ARHGAP24: variants seen among roughly 807,000 people sequenced by gnomAD.
The protein encoded by ARHGAP24 is Rho GTPase activating protein 24, also known as rho GTPase-activating protein 24.
ARHGAP24 carries 50 observed loss-of-function variants against 76.4 expected under a neutral mutation model. The observed-to-expected ratio is 0.65, with a 90% CI of 0.52 to 0.83. The LOEUF is 0.83. Among genes scored for constraint, ARHGAP24 ranks in the 40% least tolerant of loss-of-function variants. The pLI, the probability that ARHGAP24 is intolerant of heterozygous loss-of-function variation, is 0.00. For missense variants in ARHGAP24, 930 were observed against 914.2 expected (o/e 1.02, Z -0.22); for synonymous variants, 345 against 323.3 (o/e 1.07, Z -0.72).
chr4:85,971,472 A>AT (rs1007315902), intron 5 of ARHGAP24, among the ~76,000 whole-genome samples: 1 of 151,912 alleles, frequency 6.6e-6, no homozygotes, highest in East Asian at 1.9e-4. Flanking sequence ...GGGTTCTTTA[A>AT]TTTTTTTTAT....
intron 3 of ARHGAP24, among the ~76,000 whole-genome samples, chr4:85,769,251 C>T (rs917200675): frequency 6.6e-6 from 1 of 152,184 alleles, no homozygotes; most frequent in African/African-American, 2.4e-5. Flanking sequence ...TTCATCCATT[C>T]ATTCAAATCA....
At chr4:85,526,432 A>T (rs1361506462) in intron 1 of ARHGAP24, among the ~76,000 whole-genome samples, 1 of 151,136 alleles carries the variant, frequency 6.6e-6, no homozygotes, top group Non-Finnish European at 1.5e-5. Flanking sequence ...TTTTTTTTAC[A>T]CTTCAATAGA....
intron 3 of ARHGAP24, among the ~76,000 whole-genome samples, chr4:85,850,944 T>C (rs1468909391): frequency 1.3e-5 from 2 of 152,002 alleles, no homozygotes; most frequent in Admixed American, 1.3e-4. Context: ...GGGTGGAGAG[T>C]TCTGTAGATG....
chr4:85,506,046 C>G (rs562048412), intron 1 of ARHGAP24, among the ~76,000 whole-genome samples: 26 of 152,226 alleles, frequency 1.7e-4, no homozygotes, highest in Middle Eastern at 3.4e-3. Flanking sequence ...TGGGTATCAT[C>G]AGTGGAGGCT....
chr4:85,667,706 A>C (rs572454619), intron 2 of ARHGAP24, among the ~76,000 whole-genome samples: 1 of 152,344 alleles, frequency 6.6e-6, no homozygotes, highest in Admixed American at 6.5e-5. Context: ...TTTACTGATC[A>C]GTAAGCTAAA....
chr4:85,621,819 TTAGTCA>T (rs1166887450), intron 2 of ARHGAP24, among the ~76,000 whole-genome samples: 1 of 152,174 alleles, frequency 6.6e-6, no homozygotes, highest in Non-Finnish European at 1.5e-5. Flanking sequence ...TTTTCAGGAC[TTAGTCA>T]TAAATTCTTT....
chr4:85,987,870 G>A (rs557147708), intron 8 of ARHGAP24, among the ~76,000 whole-genome samples: 1 of 151,874 alleles, frequency 6.6e-6, no homozygotes, highest in South Asian at 2.1e-4. Context: ...CCACACAAAA[G>A]CACATCATAA....
At chr4:85,925,327 G>A (rs1310618852) in intron 4 of ARHGAP24, among the ~76,000 whole-genome samples, 2 of 152,196 alleles carry the variant, frequency 1.3e-5, no homozygotes, top group Non-Finnish European at 2.9e-5. Context: ...AGCCATCTTG[G>A]TGATCAGATA....
At chr4:85,914,476 T>C (rs1735258975) in intron 3 of ARHGAP24, among the ~76,000 whole-genome samples, 1 of 152,220 alleles carries the variant, frequency 6.6e-6, no homozygotes, top group Non-Finnish European at 1.5e-5. Context: ...TTATTTGCTG[T>C]CATCTTAGAC....
chr4:85,486,350 G>A (rs1202031669), intron 1 of ARHGAP24, among the ~76,000 whole-genome samples: 1 of 152,040 alleles, frequency 6.6e-6, no homozygotes, highest in Non-Finnish European at 1.5e-5. Flanking sequence ...GATACCAAAT[G>A]TCCTGCAATA....
chr4:85,507,772 C>A (rs912066283), intron 1 of ARHGAP24, among the ~76,000 whole-genome samples: 2 of 152,156 alleles, frequency 1.3e-5, no homozygotes, highest in Admixed American at 1.3e-4. Flanking sequence ...CTTGTAGGGA[C>A]AGGTTCTTTT....
rs111216453 is a variant in ARHGAP24, at chr4:85,875,068, A to C, written c.269-48580A>C. On this transcript the variant is annotated intron_variant, in intron 3 of 9. Coordinates refer to ENST00000395184, the MANE Select transcript of ARHGAP24 (RefSeq NM_001025616.3). ...TTTATATATAATATATTTGTTTTAT[A>C]TATTATATTATATATAATATATTTA... is the stretch of plus-strand genomic sequence containing the variant. 3.2e-3 allele frequency among the ~76,000 whole-genome samples: 126 copies of C among 39,242 alleles called. 6 individuals are homozygous for C. The highest frequency in any genetic ancestry group is 0.015 in the South Asian group (7 of 478). 25.7% of individuals were successfully genotyped at this position (39,242 alleles called of 152,430 possible).
chr4:85,822,474 A>C (rs1384359601), intron 3 of ARHGAP24, among the ~76,000 whole-genome samples: 1 of 152,176 alleles, frequency 6.6e-6, no homozygotes, highest in Admixed American at 6.6e-5. Flanking sequence ...TTATGTCAGA[A>C]AGATGTAAAG....
chr4:85,846,777 T>G (rs180846737), intron 3 of ARHGAP24, among the ~76,000 whole-genome samples: 1 of 152,344 alleles, frequency 6.6e-6, no homozygotes. Flanking sequence ...GAAACAGACT[T>G]ACACAGTTTG....
At chr4:85,790,976 A>T (rs1331229271) in intron 3 of ARHGAP24, among the ~76,000 whole-genome samples, 3 of 152,220 alleles carry the variant, frequency 2.0e-5, no homozygotes, top group Admixed American at 2.0e-4. Context: ...CTAAAAATAA[A>T]TATATCAGGC....
intron 2 of ARHGAP24, among the ~76,000 whole-genome samples, chr4:85,645,810 A>G (rs1482029780): frequency 6.6e-6 from 1 of 152,112 alleles, no homozygotes; most frequent in Non-Finnish European, 1.5e-5. Context: ...TATATATATG[A>G]TAGCTTTTAA....
chr4:85,507,423 T>C (rs1724107104), intron 1 of ARHGAP24, among the ~76,000 whole-genome samples: 1 of 152,148 alleles, frequency 6.6e-6, no homozygotes, highest in Admixed American at 6.5e-5. Context: ...AGGAAAATGA[T>C]TCTGTTTGTT....
At chr4:85,647,113 T>C (rs1721752602) in intron 2 of ARHGAP24, among the ~76,000 whole-genome samples, 1 of 152,070 alleles carries the variant, frequency 6.6e-6, no homozygotes. Context: ...GGAGGACATT[T>C]TCTAGTAGCT....
intron 2 of ARHGAP24, among the ~76,000 whole-genome samples, chr4:85,609,314 C>T (rs1720307271): frequency 6.6e-6 from 1 of 152,058 alleles, no homozygotes; most frequent in Non-Finnish European, 1.5e-5. Context: ...AGTGTTGTTT[C>T]CGTTTTATTC....
Sources: gnomAD v4.1 joint callset for allele counts (sites outside exome capture counted in the v4.1 genomes callset) on GRCh38, gnomAD v4.1.1 for gene constraint, MANE v1.5 for transcripts, NCBI Gene and HGNC (gene_info 2026-07-23, HGNC 2026-07-21) for gene names.